The following PCSK2 variants were observed in gnomAD, a reference collection of about 807,000 sequenced individuals.
PCSK2 encodes proprotein convertase subtilisin/kexin type 2.
In PCSK2, 14 loss-of-function variants were observed where a neutral mutation model predicts 69.7. That is an observed-to-expected ratio of 0.20 (90% confidence interval 0.13 to 0.31). The LOEUF (loss-of-function observed/expected upper bound fraction) is 0.31, where lower values mean the gene tolerates loss of function less well. Among genes scored for constraint, PCSK2 ranks in the 10% least tolerant of loss-of-function variants. The pLI is 1.00. For missense variants in PCSK2, 544 were observed against 842.5 expected (o/e 0.65, Z 4.39); for synonymous variants, 307 against 320.7 (o/e 0.96, Z 0.46).
chr20:17,311,423 A>G (rs1192652116), intron 2 of PCSK2, among the ~76,000 whole-genome samples: 1 of 152,100 alleles, frequency 6.6e-6, no homozygotes, highest in African/African-American at 2.4e-5. Flanking sequence ...TCTTATCCCA[A>G]TAGAAGCAAT....
At chr20:17,399,419 A>AT (rs1469347379) in intron 5 of PCSK2, among the ~76,000 whole-genome samples, 1 of 152,244 alleles carries the variant, frequency 6.6e-6, no homozygotes, top group African/African-American at 2.4e-5. Flanking sequence ...TGTATTTTAA[A>AT]GGGAAACTAT....
chr20:17,260,171 C>A, intron 1 of PCSK2, 69 bp from the exon 2 acceptor site: 1 of 955,120 alleles, frequency 1.0e-6, no homozygotes, highest in Non-Finnish European at 1.7e-6. Context: ...GCAGCCCCAG[C>A]TTTGGTGTCC....
chr20:17,354,574 C>G (rs1054620587), intron 2 of PCSK2, among the ~76,000 whole-genome samples: 3 of 152,154 alleles, frequency 2.0e-5, no homozygotes, highest in African/African-American at 7.2e-5. Context: ...ATAACCCAAT[C>G]TGTCCGGTCA....
At chr20:17,428,997 C>CAAA (rs60206058) in intron 6 of PCSK2, among the ~76,000 whole-genome samples, 439 of 36,950 alleles carry the variant, frequency 0.012, 55 homozygotes, top group African/African-American at 0.014. Context: ...GACTCTGTCT[C>CAAA]AAAAAAAAAA....
Position 17,436,823 on chromosome 20 carries a change from C to A in PCSK2, c.825C>A (p.Gly275=). ...CCAGCTGGGGCCCCACAGACAACGG[C>A]AAGACAGTGGATGGGCCCCGGGAGC... ...YSASWGPTDN[G]KTVDGPRELT... is the part of the protein sequence containing the mutation. The change falls in exon 8 of 12, where the codon GGC becomes GGA. Residue 275 remains glycine (G), a synonymous_variant. Coordinates refer to ENST00000262545, the MANE Select transcript of PCSK2 (RefSeq NM_002594.5). 6.2e-7 allele frequency: 1 copy of A among 1,614,022 alleles called. No individual in the cohort carries two copies. The highest frequency in any genetic ancestry group is 8.5e-7 in the Non-Finnish European group (1 of 1,180,034).
chr20:17,461,310 G>A (rs906184005), intron 10 of PCSK2, among the ~76,000 whole-genome samples: 11 of 152,128 alleles, frequency 7.2e-5, no homozygotes, highest in Non-Finnish European at 1.5e-4. Context: ...TCTCAGACTG[G>A]AAATAATCCA....
In PCSK2 at chr20:17,237,429, TG is replaced by T. The variant is rs199796511; in HGVS notation, c.177+9949del. 3.7e-4 allele frequency among the ~76,000 whole-genome samples: 57 copies of T among 152,220 alleles called. 3 individuals carry two copies. The East Asian group carries it at 0.011, about 29-fold the overall frequency. ...AAAGCGAAGTCCTAGGACAAAATGT[TG>T]GAGAACTTTGGACATGAAAGGAGAA... is the stretch of plus-strand genomic sequence containing the variant. On this transcript the variant is annotated intron_variant, in intron 1 of 11. Transcript: ENST00000262545.
At chr20:17,292,717 C>T (rs1397721180) in intron 2 of PCSK2, among the ~76,000 whole-genome samples, 2 of 152,130 alleles carry the variant, frequency 1.3e-5, no homozygotes, top group Admixed American at 1.3e-4. Context: ...AGCAGAATAT[C>T]ATCATTTTCT....
At chr20:17,312,642 TC>T (rs1989552676) in intron 2 of PCSK2, among the ~76,000 whole-genome samples, 1 of 152,012 alleles carries the variant, frequency 6.6e-6, no homozygotes, top group South Asian at 2.1e-4. Flanking sequence ...GTAGGAAATT[TC>T]CCAATTAGGG....
At chr20:17,308,252 C>T (rs778022186) in intron 2 of PCSK2, among the ~76,000 whole-genome samples, 4 of 152,194 alleles carry the variant, frequency 2.6e-5, no homozygotes, top group Admixed American at 1.3e-4. Flanking sequence ...CACCTCCCAC[C>T]AGGCCCCACC....
chr20:17,454,832 C>G (rs1195593523), intron 9 of PCSK2, among the ~76,000 whole-genome samples: 1 of 152,290 alleles, frequency 6.6e-6, no homozygotes, highest in East Asian at 1.9e-4. Flanking sequence ...TCCAGTGTTT[C>G]GATCCCACGC....
chr20:17,280,353 C>A (rs1422639780), intron 2 of PCSK2, among the ~76,000 whole-genome samples: 2 of 152,156 alleles, frequency 1.3e-5, no homozygotes, highest in African/African-American at 4.8e-5. Context: ...ACATTGCATG[C>A]TTCTTTGTGC....
chr20:17,307,099 T>A (rs2123104268), intron 2 of PCSK2, among the ~76,000 whole-genome samples: 1 of 152,306 alleles, frequency 6.6e-6, no homozygotes, highest in Admixed American at 6.5e-5. Flanking sequence ...AGATTATAAT[T>A]CCCTATAGCA....
chr20:17,284,920 G>A (rs1227446603), intron 2 of PCSK2, among the ~76,000 whole-genome samples: 6 of 152,312 alleles, frequency 3.9e-5, no homozygotes, highest in Middle Eastern at 6.8e-3. Context: ...TCTGTGGGGG[G>A]TTTCAAACTG....
intron 2 of PCSK2, among the ~76,000 whole-genome samples, chr20:17,354,527 C>G (rs2030129687): frequency 6.6e-6 from 1 of 152,140 alleles, no homozygotes; most frequent in South Asian, 2.1e-4. Context: ...GGAATTGTAA[C>G]ACTGCAGTCT....
chr20:17,294,906 C>G (rs567009225), intron 2 of PCSK2, among the ~76,000 whole-genome samples: 1 of 152,236 alleles, frequency 6.6e-6, no homozygotes, highest in South Asian at 2.1e-4. Flanking sequence ...CTCTAGGTCT[C>G]TCAACACTTC....
intron 2 of PCSK2, among the ~76,000 whole-genome samples, chr20:17,318,386 T>C (rs1328803633): frequency 1.3e-5 from 2 of 152,090 alleles, no homozygotes; most frequent in African/African-American, 2.4e-5. Flanking sequence ...TGAAGTCGAG[T>C]TGTCATCACG....
At chr20:17,379,322 G>A (rs551947856) in intron 5 of PCSK2, among the ~76,000 whole-genome samples, 14 of 152,350 alleles carry the variant, frequency 9.2e-5, no homozygotes, top group Non-Finnish European at 1.6e-4. Flanking sequence ...ACCTACATGG[G>A]ATCATTGCCT....
chr20:17,432,980 G>A (rs1247554154), intron 7 of PCSK2, among the ~76,000 whole-genome samples: 1 of 152,180 alleles, frequency 6.6e-6, no homozygotes, highest in Non-Finnish European at 1.5e-5. Context: ...GACAAGAGGC[G>A]CCTGAGGGTG....
Sources: allele counts gnomAD v4.1 joint callset (sites outside exome capture counted in the v4.1 genomes callset), GRCh38; gene constraint gnomAD v4.1.1; transcripts MANE v1.5; gene names NCBI Gene and HGNC (gene_info 2026-07-23, HGNC 2026-07-21).